Variants in FGD4 observed in about 807,000 individuals in gnomAD.
FGD4 encodes the protein FYVE, RhoGEF and PH domain-containing protein 4.
FGD4 carries 42 observed loss-of-function variants against 102.0 expected under a neutral mutation model. The observed-to-expected ratio is 0.41, with a 90% CI of 0.32 to 0.53. FGD4 has a LOEUF of 0.53. Among genes scored for constraint, FGD4 ranks in the 20% least tolerant of loss-of-function variants. The probability of loss-of-function intolerance (pLI) is 0.21; values close to 1 mark genes in which losing one functional copy is unlikely to be tolerated. For missense variants in FGD4, 902 were observed against 1,078.2 expected (o/e 0.84, Z 2.29); for synonymous variants, 380 against 375.7 (o/e 1.01, Z -0.13).
chr12:32,626,232 G>C (rs1326449408), intron 14 of FGD4, among the ~76,000 whole-genome samples: 1 of 152,156 alleles, frequency 6.6e-6, no homozygotes, highest in African/African-American at 2.4e-5. Context: ...ATCACCTGAG[G>C]TCAGGAGTTT....
chr12:32,522,530 T>C (rs933341738), intron 1 of FGD4, among the ~76,000 whole-genome samples: 2 of 152,186 alleles, frequency 1.3e-5, no homozygotes, highest in African/African-American at 2.4e-5. Flanking sequence ...TAGTAGCAAG[T>C]AACTGACTGT....
chr12:32,599,210 T>C (rs1306626971), intron 5 of FGD4, among the ~76,000 whole-genome samples: 5 of 152,026 alleles, frequency 3.3e-5, no homozygotes, highest in African/African-American at 1.2e-4. Flanking sequence ...AGAATAACTT[T>C]TGGGCTGGGC....
At chr12:32,563,537 G>T (rs1387632085) in intron 1 of FGD4, among the ~76,000 whole-genome samples, 1 of 150,132 alleles carries the variant, frequency 6.7e-6, no homozygotes, top group Non-Finnish European at 1.5e-5. Context: ...AGGCAGAGGG[G>T]CTCCTCACGT....
intron 14 of FGD4, among the ~76,000 whole-genome samples, chr12:32,632,541 C>T (rs2137011802): frequency 6.6e-6 from 1 of 152,192 alleles, no homozygotes; most frequent in East Asian, 1.9e-4. Context: ...GCCAGTGTCA[C>T]TGAAGACAGA....
At chr12:32,558,503 CA>C (rs937907705) in intron 1 of FGD4, among the ~76,000 whole-genome samples, 1 of 152,130 alleles carries the variant, frequency 6.6e-6, no homozygotes, top group African/African-American at 2.4e-5. Context: ...CTCGAAGAAT[CA>C]GAGAACTGAG....
intron 1 of FGD4, among the ~76,000 whole-genome samples, chr12:32,473,362 G>A (rs911660222): frequency 3.3e-5 from 5 of 151,870 alleles, no homozygotes; most frequent in African/African-American, 7.3e-5. Flanking sequence ...CACTCACCGC[G>A]AAGATCTGCA....
At chr12:32,435,240 C>T (rs1226157348) in intron 1 of FGD4, among the ~76,000 whole-genome samples, 1 of 152,202 alleles carries the variant, frequency 6.6e-6, no homozygotes, top group African/African-American at 2.4e-5. Flanking sequence ...AGCCACCGTG[C>T]CTGGCCACTT....
In FGD4 at chr12:32,520,993, G is replaced by A. The variant is rs115239400; in HGVS notation, c.167-43144G>A. 1.5e-3 allele frequency among the ~76,000 whole-genome samples: 230 copies of A among 152,170 alleles called. 1 individual carries two copies. Among genetic ancestry groups the A allele is most frequent in the African/African-American group, 5.2e-3 (216 of 41,514 alleles). On this transcript the variant is annotated intron_variant, in intron 1 of 16. Coordinates refer to ENST00000534526, the MANE Select transcript of FGD4 (RefSeq NM_001370298.3). ...TTGTTTGCTCTCCCTTTGGTTCCTC[G>A]AGAAGGAACTATTTAATGAGACTGT...
intron 1 of FGD4, among the ~76,000 whole-genome samples, chr12:32,548,888 C>A (rs933876200): frequency 4.6e-5 from 7 of 152,090 alleles, no homozygotes; most frequent in Admixed American, 1.3e-4. Context: ...AAGTCAGGGT[C>A]GTGAGGGCAC....
rs1339767487 is a variant in FGD4 at position 32,414,364 on chromosome 12, G to T, written c.166+14405G>T. On this transcript the variant is annotated intron_variant, in intron 1 of 16. Transcript: ENST00000534526. ...GGGGTATATGAGGTACTTTGATACA[G>T]GCATGCAACGGGTAATAATCACATC... Among the ~76,000 whole-genome samples, 5 of 152,144 alleles carry T rather than the reference G, an allele frequency of 3.3e-5. No individual in the cohort carries two copies. The East Asian group carries it at 9.7e-4, about 29-fold the overall frequency.
chr12:32,523,132 T>G (rs1305582536), intron 1 of FGD4, among the ~76,000 whole-genome samples: 2 of 150,928 alleles, frequency 1.3e-5, no homozygotes, highest in African/African-American at 2.4e-5. Context: ...GAGCAGAGAG[T>G]GAAAAAAGAG....
chr12:32,422,258 T>C (rs574241869), intron 1 of FGD4, among the ~76,000 whole-genome samples: 1 of 141,544 alleles, frequency 7.1e-6, no homozygotes, highest in Non-Finnish European at 1.5e-5. Flanking sequence ...CATTTTTTTT[T>C]CACATTGAAG....
At chr12:32,577,418 G>A (rs10506094) in intron 3 of FGD4, among the ~76,000 whole-genome samples, 13,615 of 152,234 alleles carry the variant, frequency 0.089, 784 homozygotes, top group Middle Eastern at 0.19. Context: ...TGTTACTTAT[G>A]TAATGAAATC....
chr12:32,407,972 CTTTATTTATTTATTTATTTA>C (rs59676286), intron 1 of FGD4, among the ~76,000 whole-genome samples: 3 of 145,536 alleles, frequency 2.1e-5, no homozygotes, highest in Non-Finnish European at 4.5e-5. Context: ...TAATCCTAGA[CTTTATTTATTTATTTATTTA>C]TTTATTTATT....
In FGD4 at chr12:32,399,636, G is replaced by C; in HGVS notation, c.-158G>C. 1 of 1,405,580 alleles carries C rather than the reference G, an allele frequency of 7.1e-7. No individual in the cohort carries two copies. Among genetic ancestry groups the C allele is most frequent in the Non-Finnish European group, 9.2e-7 (1 of 1,087,980 alleles). The allele number at this position is 1,405,580 out of a possible 1,614,324, so 87.1% of individuals were successfully genotyped here. ...GCGACGCCGGGAGGGAGCGTACCGG[G>C]AAGGAGAGGGAGAGGAGGCACTCGC... is the stretch of plus-strand genomic sequence containing the variant. On this transcript the variant is annotated 5_prime_UTR_variant, in exon 1 of 17. Transcript: ENST00000534526.
chr12:32,603,390 A>T (rs983078082), intron 7 of FGD4, among the ~76,000 whole-genome samples: 10 of 146,686 alleles, frequency 6.8e-5, no homozygotes, highest in Admixed American at 1.4e-4. Context: ...TATTTTATTT[A>T]TTTTTTTTTT....
At chr12:32,467,109 G>A (rs1475131826) in intron 1 of FGD4, among the ~76,000 whole-genome samples, 1 of 152,120 alleles carries the variant, frequency 6.6e-6, no homozygotes, top group African/African-American at 2.4e-5. Flanking sequence ...GCATCCTATT[G>A]TGAAACAGTT....
intron 10 of FGD4, among the ~76,000 whole-genome samples, chr12:32,617,150 AAC>A (rs751566376): frequency 1.8e-4 from 27 of 152,232 alleles, no homozygotes; most frequent in Non-Finnish European, 3.4e-4. Context: ...TTAAGTTTCC[AAC>A]ACACGCTTTT....
At chr12:32,411,996 A>G (rs992617285) in intron 1 of FGD4, among the ~76,000 whole-genome samples, 3 of 152,226 alleles carry the variant, frequency 2.0e-5, no homozygotes, top group Non-Finnish European at 4.4e-5. Flanking sequence ...AAAGGCACAT[A>G]GAGAAAAAGC....
Sources: allele counts gnomAD v4.1 joint callset (sites outside exome capture counted in the v4.1 genomes callset), GRCh38; gene constraint gnomAD v4.1.1; transcripts MANE v1.5; gene names NCBI Gene and HGNC (gene_info 2026-07-23, HGNC 2026-07-21).